Variants in DENND3 observed in about 807,000 individuals in gnomAD.
The protein encoded by DENND3 is DENN domain containing 3.
Under a neutral mutation model 135.1 loss-of-function variants are expected in DENND3, and 88 were observed. That is an observed-to-expected ratio of 0.65 (90% CI 0.55 to 0.78). DENND3 has a LOEUF of 0.78. Among genes scored for constraint, DENND3 ranks in the 30% least tolerant of loss-of-function variants. DENND3 has a pLI of 0.00. For synonymous variants in DENND3, 693 were observed against 712.3 expected, an observed-to-expected ratio of 0.97 and a Z score of 0.43; for missense variants, 1,392 against 1,688.4, an observed-to-expected ratio of 0.82 and a Z score of 3.08.
chr8:141,128,818 C>T lies in DENND3; in HGVS notation c.102+9C>T. The T allele has an allele frequency of 7.2e-7, 1 of 1,396,412 alleles. No individual in the cohort carries two copies. Among genetic ancestry groups the T allele is most frequent in the Middle Eastern group, 1.9e-4 (1 of 5,258 alleles). The allele number at this position is 1,396,412 out of a possible 1,614,324, so 86.5% of individuals were successfully genotyped here. A position where few individuals can be genotyped will look rare whatever the true frequency, so the allele number is the denominator to read the frequency against. The stretch of plus-strand genomic sequence containing the variant: ...TCCGAAGTCTCGAGCAGGTGAGGGG[C>T]GGGGAAACTGAGGCGGACGTGGGCC... On this transcript the variant is annotated intron_variant, in intron 1 of 22. Transcript: ENST00000519811. This position sits in a 1 kb window ranked among gnomAD's most constrained non-coding sequence, Gnocchi z 4.5.
rs1739526693 is a variant in DENND3, at chr8:141,158,191, A to G, written c.1196+2221A>G. ...GTGGAATCGCTGGGCTCTCCTCCCCAGCCAAGGGCACCTGAGCAGCTGTTC... is the reference window on the plus strand; with the variant it reads ...GTGGAATCGCTGGGCTCTCCTCCCCGGCCAAGGGCACCTGAGCAGCTGTTC... On this transcript the variant is annotated intron_variant, in intron 8 of 22. Coordinates refer to ENST00000519811, the MANE Select transcript of DENND3 (RefSeq NM_001352890.3). 2.3e-6 allele frequency: 3 copies of G among 1,289,364 alleles called. No homozygotes were observed. In the African/African-American group the frequency reaches 4.6e-5, roughly 20 times the overall value. The allele number at this position is 1,289,364 out of a possible 1,614,324, so 79.9% of individuals were successfully genotyped here. A position where few individuals can be genotyped will look rare whatever the true frequency, so the allele number is the denominator to read the frequency against.
Position 141,192,276 on chromosome 8 carries a change from G to A in DENND3, c.3380-55G>A, listed in dbSNP as rs545931922. The A allele has an allele frequency of 1.2e-4, 198 of 1,600,050 alleles. No homozygotes were observed. The African/African-American group carries it at 2.1e-3, about 17-fold the overall frequency. ...CAGTGAGGCCGGCTCTGGTGCTGGC[G>A]TCTTATGTTGCCAATGACACTGCCT... On this transcript the variant is annotated intron_variant, in intron 20 of 22. Coordinates refer to ENST00000519811, the MANE Select transcript of DENND3 (RefSeq NM_001352890.3).
chr8:141,129,459 C>G (rs1293849259), intron 1 of DENND3, among the ~76,000 whole-genome samples: 1 of 152,168 alleles, frequency 6.6e-6, no homozygotes, highest in Non-Finnish European at 1.5e-5. Flanking sequence ...ACCCTCGCAG[C>G]CAAAGTGACA....
At chr8:141,158,674 C>T (rs886333293) in intron 8 of DENND3, among the ~76,000 whole-genome samples, 3 of 152,226 alleles carry the variant, frequency 2.0e-5, no homozygotes, top group Non-Finnish European at 4.4e-5. Flanking sequence ...TCTCTCTGCA[C>T]GTGAGCGTGT....
chr8:141,157,756 CCT>C, intron 8 of DENND3: 2 of 981,096 alleles, frequency 2.0e-6, no homozygotes, highest in Non-Finnish European at 1.2e-6. Flanking sequence ...AGGAAAACTA[CCT>C]CTTTTTTTTT....
chr8:141,157,242 C>T (rs1819552235), intron 8 of DENND3, among the ~76,000 whole-genome samples: 1 of 152,132 alleles, frequency 6.6e-6, no homozygotes, highest in Non-Finnish European at 1.5e-5. Flanking sequence ...GGTGCAAAGG[C>T]TTGGCAGGGA....
intron 18 of DENND3, among the ~76,000 whole-genome samples, chr8:141,187,076 C>T (rs1230803180): frequency 6.6e-6 from 1 of 150,920 alleles, no homozygotes; most frequent in Non-Finnish European, 1.5e-5. Context: ...AATATTTTCG[C>T]ATCTACACTC....
At chr8:141,131,205 T>C (rs1445120597) in intron 1 of DENND3, among the ~76,000 whole-genome samples, 1 of 152,102 alleles carries the variant, frequency 6.6e-6, no homozygotes, top group Non-Finnish European at 1.5e-5. Context: ...AGGCTAATGT[T>C]AGTTACTGTG....
chr8:141,192,809 GGGTTGGTGCCAAC>G (rs1468990637), intron 22 of DENND3, 146 bp downstream of exon 22: 1 of 1,572,560 alleles, frequency 6.4e-7, no homozygotes, highest in African/African-American at 1.4e-5. Flanking sequence ...GGCACGTGCA[GGGTTGGTGCCAAC>G]GGGCCCACAG....
chr8:141,176,749 C>G lies in DENND3; in HGVS notation c.2694C>G (p.Ala898=). 1.9e-6 allele frequency: 3 copies of G among 1,613,860 alleles called. No homozygotes were observed. The highest frequency in any genetic ancestry group is 2.5e-6 in the Non-Finnish European group (3 of 1,179,882). The change falls in exon 15 of 23, where the codon GCC becomes GCG. Residue 898 remains alanine (A), a synonymous_variant. Coordinates refer to ENST00000519811, the MANE Select transcript of DENND3 (RefSeq NM_001352890.3). The part of the protein sequence containing the change: ...VKEMWAGKKL[A]DDHKDPHYVQ... Reference sequence around the variant, plus strand: ...AGATGTGGGCTGGGAAGAAGCTGGCCGATGACCACAAGGTGGGAGACGCGG... The same window carrying G: ...AGATGTGGGCTGGGAAGAAGCTGGCGGATGACCACAAGGTGGGAGACGCGG...
At chr8:141,192,020 G>A (rs1352821232) in intron 20 of DENND3, 1 of 274,630 alleles carries the variant, frequency 3.6e-6, no homozygotes, top group Admixed American at 4.7e-5. Flanking sequence ...ATCAAGTGTG[G>A]TACTCCCAAT....
chr8:141,156,017 G>A (rs1325692558), intron 8 of DENND3, 47 bp downstream of exon 8: 1 of 1,546,400 alleles, frequency 6.5e-7, no homozygotes, highest in Non-Finnish European at 8.8e-7. Flanking sequence ...TCTTTGTTCA[G>A]ATTCTGTATT....
chr8:141,195,566 T>G lies in DENND3; in HGVS notation c.*1333T>G, dbSNP rs1569557338. On this transcript the variant is annotated 3_prime_UTR_variant, in exon 23 of 23. Coordinates refer to ENST00000519811, the MANE Select transcript of DENND3 (RefSeq NM_001352890.3). ...GTGTAGCTACTAACTTCTTGGGGCA[T>G]TCTGAGAGTGTGGGCAGAGAGAATT... is the stretch of plus-strand genomic sequence containing the variant. 1 of 152,244 alleles carries G rather than the reference T, an allele frequency of 6.6e-6. No homozygotes were observed. The highest frequency in any genetic ancestry group is 2.4e-5 in the African/African-American group (1 of 41,458). The allele number at this position is 152,244 out of a possible 1,614,324, so 9.4% of individuals were successfully genotyped here.
intron 7 of DENND3, among the ~76,000 whole-genome samples, chr8:141,152,425 C>T (rs1237519490): frequency 1.3e-5 from 2 of 152,188 alleles, no homozygotes; most frequent in African/African-American, 2.4e-5. Context: ...CACACCCATG[C>T]GCTTTTTCTC....
chr8:141,190,330 G>A lies in DENND3; in HGVS notation c.3292G>A (p.Val1098Met). ...GGACGGCATGGTGCTGGTGTGGAAT[G>A]TGAGCACACTGCAGGTGACCAGCCG... ...SMDGMVLVWN[V>M]STLQVTSRFQ... is the part of the protein sequence containing the mutation. Residue 1098 changes from valine to methionine, a missense_variant, in exon 20 of 23, where the codon GTG becomes ATG. By Grantham distance (21) the Val-to-Met change is conservative. Transcript: ENST00000519811. 6.2e-7 allele frequency: 1 copy of A among 1,613,420 alleles called. No homozygotes were observed. Among genetic ancestry groups the A allele is most frequent in the Non-Finnish European group, 8.5e-7 (1 of 1,179,824 alleles).
At chr8:141,181,656 A>G (rs932576119) in intron 17 of DENND3, among the ~76,000 whole-genome samples, 1 of 152,218 alleles carries the variant, frequency 6.6e-6, no homozygotes, top group African/African-American at 2.4e-5. Flanking sequence ...AACTGTGGAA[A>G]ATACTTTTAT....
chr8:141,159,143 G>A (rs1819814118), intron 8 of DENND3, among the ~76,000 whole-genome samples: 1 of 152,198 alleles, frequency 6.6e-6, no homozygotes, highest in African/African-American at 2.4e-5. Flanking sequence ...AGCAGCTGCT[G>A]CTCAGCACGT....
intron 8 of DENND3, among the ~76,000 whole-genome samples, chr8:141,159,209 C>T (rs1231149490): frequency 6.6e-6 from 1 of 152,192 alleles, no homozygotes; most frequent in African/African-American, 2.4e-5. Context: ...CTACCATCCC[C>T]TGGTGGGCCA....
At position 141,182,190 on chromosome 8, in the gene DENND3, C is replaced by T. The variant is rs1311897820; in HGVS notation, c.2944+1336C>T. On this transcript the variant is annotated intron_variant, in intron 17 of 22. Transcript: ENST00000519811. This position sits in a 1 kb window ranked among gnomAD's most constrained non-coding sequence, Gnocchi z 5.9. ...GGGATGCAGATGTAGGTGTCACCCC[C>T]TCTCACAGGCCATGTCCGCGGCTTC... 2.2e-6 allele frequency: 1 copy of T among 456,742 alleles called. No individual in the cohort carries two copies. Among genetic ancestry groups the T allele is most frequent in the Non-Finnish European group, 2.9e-6 (1 of 347,006 alleles). The allele number at this position is 456,742 out of a possible 1,614,324, so 28.3% of individuals were successfully genotyped here. A position where few individuals can be genotyped will look rare whatever the true frequency, so the allele number is the denominator to read the frequency against.
Sources: gnomAD v4.1 joint callset for allele counts (sites outside exome capture counted in the v4.1 genomes callset) on GRCh38, gnomAD v4.1.1 for gene constraint, Gnocchi (gnomAD v3.1) non-coding constraint, MANE v1.5 for transcripts, NCBI Gene and HGNC (gene_info 2026-07-23, HGNC 2026-07-21) for gene names.